RIT2: variants seen among roughly 807,000 people sequenced by gnomAD.
RIT2 encodes the protein Ras like without CAAX 2, also known as GTP-binding protein Rit2.
In RIT2, 24 loss-of-function variants were observed where a neutral mutation model predicts 23.7. The ratio of observed to expected loss-of-function variants is 1.01; its 90% CI spans 0.73 to 1.43. RIT2 has a LOEUF of 1.43. Among genes scored for constraint, RIT2 ranks in the 40% most tolerant of loss-of-function variants. RIT2 has a pLI of 0.00. For synonymous variants in RIT2, 107 were observed against 91.1 expected, an observed-to-expected ratio of 1.17 and a Z score of -0.99; for missense variants, 236 against 266.9, an observed-to-expected ratio of 0.88 and a Z score of 0.81.
Position 43,094,136 on chromosome 18 carries a change from T to G in RIT2, c.103+21281A>C, listed in dbSNP as rs28520368. 3.9e-5 allele frequency among the ~76,000 whole-genome samples: 3 copies of G among 77,360 alleles called. No individual in the cohort carries two copies. In the Admixed American group the frequency reaches 4.5e-4, roughly 12 times the overall value. 50.8% of individuals were successfully genotyped at this position (77,360 alleles called of 152,430 possible). ...TGGGTTTTTTTTGTTTTTTTTTTTT[T>G]TTTTCACTTTGCCTCAGGCTCCAAT... On this transcript the variant is annotated intron_variant, in intron 1 of 4. Coordinates refer to ENST00000326695, the MANE Select transcript of RIT2 (RefSeq NM_002930.4).
At chr18:42,940,011 A>T (rs1909556533) in intron 3 of RIT2, among the ~76,000 whole-genome samples, 1 of 151,850 alleles carries the variant, frequency 6.6e-6, no homozygotes, top group Non-Finnish European at 1.5e-5. Context: ...AATCATATAG[A>T]TTAACACTCT....
chr18:42,962,248 A>G (rs1052356192), intron 3 of RIT2, among the ~76,000 whole-genome samples: 3 of 152,198 alleles, frequency 2.0e-5, no homozygotes, highest in Non-Finnish European at 2.9e-5. Context: ...AGCACTTTGC[A>G]TTTTACTATT....
At chr18:42,762,551 C>G (rs1913326673) in intron 4 of RIT2, among the ~76,000 whole-genome samples, 6 of 152,130 alleles carry the variant, frequency 3.9e-5, no homozygotes. Flanking sequence ...GATACTCCCT[C>G]TGATTGGATA....
chr18:42,891,835 T>C (rs1908185878), intron 4 of RIT2, among the ~76,000 whole-genome samples: 2 of 152,098 alleles, frequency 1.3e-5, no homozygotes, highest in African/African-American at 4.8e-5. Flanking sequence ...ATTATCTTTT[T>C]CAAAACCCAT....
At chr18:42,896,109 CA>C (rs1908322266) in intron 4 of RIT2, among the ~76,000 whole-genome samples, 1 of 152,014 alleles carries the variant, frequency 6.6e-6, no homozygotes, top group Non-Finnish European at 1.5e-5. Flanking sequence ...ACTAAAAATA[CA>C]AAAATTAGCT....
At chr18:42,922,704 T>C (rs1254126656) in intron 4 of RIT2, among the ~76,000 whole-genome samples, 1 of 152,038 alleles carries the variant, frequency 6.6e-6, no homozygotes, top group African/African-American at 2.4e-5. Flanking sequence ...GAGAAGAAAA[T>C]ATAATGAATG....
intron 4 of RIT2, among the ~76,000 whole-genome samples, chr18:42,896,220 T>C (rs1232595128): frequency 1.3e-5 from 2 of 152,138 alleles, no homozygotes; most frequent in Non-Finnish European, 2.9e-5. Flanking sequence ...GCTGAGATCG[T>C]GCCATTGCAC....
intron 4 of RIT2, among the ~76,000 whole-genome samples, chr18:42,764,795 G>A (rs927485633): frequency 2.6e-5 from 4 of 152,166 alleles, no homozygotes; most frequent in Non-Finnish European, 5.9e-5. Context: ...ATTTCACTAA[G>A]CATGTGCCAT....
intron 4 of RIT2, among the ~76,000 whole-genome samples, chr18:42,862,397 A>G (rs1017194576): frequency 6.6e-6 from 1 of 152,096 alleles, no homozygotes; most frequent in African/African-American, 2.4e-5. Context: ...ATCATAAATT[A>G]CTCACTCTCG....
intron 1 of RIT2, among the ~76,000 whole-genome samples, chr18:43,052,448 C>A (rs1441377986): frequency 6.6e-6 from 1 of 152,028 alleles, no homozygotes; most frequent in Admixed American, 6.6e-5. Context: ...CTAACTCTAT[C>A]TTTTTGAATA....
intron 4 of RIT2, among the ~76,000 whole-genome samples, chr18:42,789,965 T>C (rs956828750): frequency 1.3e-5 from 2 of 152,204 alleles, no homozygotes; most frequent in South Asian, 4.1e-4. Context: ...GGGTTTATAA[T>C]ACACGACCCT....
intron 1 of RIT2, among the ~76,000 whole-genome samples, chr18:43,101,403 A>G (rs1195883080): frequency 1.3e-5 from 2 of 152,200 alleles, no homozygotes; most frequent in Non-Finnish European, 2.9e-5. Context: ...ATAAATTTAG[A>G]TATAAATGTT....
intron 4 of RIT2, among the ~76,000 whole-genome samples, chr18:42,753,323 G>A (rs1388239777): frequency 6.6e-6 from 1 of 152,170 alleles, no homozygotes; most frequent in Non-Finnish European, 1.5e-5. Flanking sequence ...GGTAGCCAGG[G>A]TAATGGTGGT....
At chr18:42,963,005 A>G (rs1910127305) in intron 3 of RIT2, among the ~76,000 whole-genome samples, 1 of 152,160 alleles carries the variant, frequency 6.6e-6, no homozygotes, top group South Asian at 2.1e-4. Context: ...GTTGCTCATT[A>G]AAGTCAAAAT....
Position 42,884,145 on chromosome 18 carries a change from A to G in RIT2, c.426+39427T>C, listed in dbSNP as rs544292154. On this transcript the variant is annotated intron_variant, in intron 4 of 4. Transcript: ENST00000326695. Reference sequence around the variant, plus strand: ...AAACAGAGCATAGCAGTGGGTCTCAAAGGCTTTTCTAAGAAGATGTGAGTA... The same window carrying G: ...AAACAGAGCATAGCAGTGGGTCTCAGAGGCTTTTCTAAGAAGATGTGAGTA... Among the ~76,000 whole-genome samples the G allele has an allele frequency of 1.6e-4, 24 of 152,352 alleles. No individual in the cohort carries two copies. In the East Asian group the frequency reaches 3.9e-3, roughly 24 times the overall value.
intron 4 of RIT2, among the ~76,000 whole-genome samples, chr18:42,850,940 C>T (rs1907038329): frequency 6.6e-6 from 1 of 152,166 alleles, no homozygotes; most frequent in Non-Finnish European, 1.5e-5. Flanking sequence ...TCAACCTACT[C>T]TATAATTCCC....
intron 4 of RIT2, among the ~76,000 whole-genome samples, chr18:42,765,650 T>A (rs1598645166): frequency 6.6e-6 from 1 of 152,218 alleles, no homozygotes; most frequent in African/African-American, 2.4e-5. Context: ...ACCTCTAGCC[T>A]TAGACTAACG....
intron 2 of RIT2, among the ~76,000 whole-genome samples, chr18:43,013,368 C>T (rs940609594): frequency 1.3e-5 from 2 of 151,782 alleles, no homozygotes; most frequent in Non-Finnish European, 1.5e-5. Flanking sequence ...ATAATTTTCA[C>T]TTTCCTAGTG....
At position 42,743,434 on chromosome 18, in the gene RIT2, A is replaced by C; in HGVS notation, c.*59T>G. On this transcript the variant is annotated 3_prime_UTR_variant, in exon 5 of 5. Coordinates refer to ENST00000326695, the MANE Select transcript of RIT2 (RefSeq NM_002930.4). ...AGATAATATTGAAGCAGAATGCTAC[A>C]TATGGAATTGTCCAACTAATAAAAT... 1 of 1,196,534 alleles carries C rather than the reference A, an allele frequency of 8.4e-7. No homozygotes were observed. Among genetic ancestry groups the C allele is most frequent in the Admixed American group, 1.7e-5 (1 of 58,246 alleles). 74.1% of individuals were successfully genotyped at this position (1,196,534 alleles called of 1,614,324 possible). A position where few individuals can be genotyped will look rare whatever the true frequency, so the allele number is the denominator to read the frequency against.
Sources: gnomAD v4.1 joint callset for allele counts (sites outside exome capture counted in the v4.1 genomes callset) on GRCh38, gnomAD v4.1.1 for gene constraint, MANE v1.5 for transcripts, NCBI Gene and HGNC (gene_info 2026-07-23, HGNC 2026-07-21) for gene names.